The following DYNC2I1 variants were observed in gnomAD, a reference collection of about 807,000 sequenced individuals.
DYNC2I1 encodes cytoplasmic dynein 2 intermediate chain 1.
In DYNC2I1, 89 loss-of-function variants were observed where a neutral mutation model predicts 133.4. The ratio of observed to expected loss-of-function variants is 0.67; its 90% CI spans 0.56 to 0.80. The LOEUF (loss-of-function observed/expected upper bound fraction) is 0.80. Ranked by LOEUF, DYNC2I1 falls within the 30% of genes least tolerant of loss-of-function variation. DYNC2I1 has a pLI of 0.00. For synonymous variants in DYNC2I1, 504 were observed against 484.3 expected, an observed-to-expected ratio of 1.04 and a Z score of -0.54; for missense variants, 1,291 against 1,314.5, an observed-to-expected ratio of 0.98 and a Z score of 0.28.
chr7:158,939,907 A>T (rs1167652789), intron 23 of DYNC2I1, among the ~76,000 whole-genome samples: 1 of 152,248 alleles, frequency 6.6e-6, no homozygotes. Context: ...TGAATTTACT[A>T]TATAATGATA....
chr7:158,922,685 C>A, intron 16 of DYNC2I1, 136 bp downstream of exon 16: 1 of 834,710 alleles, frequency 1.2e-6, no homozygotes. Context: ...CATTCTCTGT[C>A]TCTCACAGCT....
rs186892544 is a variant in DYNC2I1, at chr7:158,889,403, A to G, written c.991-1862A>G. ...CCACCCCTCCTGTTTTTCCTAGTTCATAGTGGAAATCCCTCCAGTTTGGAC... is the reference window on the plus strand; with the variant it reads ...CCACCCCTCCTGTTTTTCCTAGTTCGTAGTGGAAATCCCTCCAGTTTGGAC... On this transcript the variant is annotated intron_variant, in intron 7 of 24. Coordinates refer to ENST00000407559, the MANE Select transcript of DYNC2I1 (RefSeq NM_018051.5). Among the ~76,000 whole-genome samples the G allele has an allele frequency of 2.5e-4, 38 of 152,140 alleles. No homozygotes were observed. The East Asian group carries it at 6.8e-3, about 27-fold the overall frequency.
intron 2 of DYNC2I1, 51 bp from the exon 3 acceptor site, chr7:158,871,091 A>G: frequency 6.4e-7 from 1 of 1,554,066 alleles, no homozygotes; most frequent in Non-Finnish European, 8.7e-7. Flanking sequence ...TAAAAGTCTA[A>G]TGGAAATCTG....
chr7:158,885,506 T>TA (rs760355843), intron 6 of DYNC2I1, among the ~76,000 whole-genome samples: 1 of 152,064 alleles, frequency 6.6e-6, no homozygotes, highest in Non-Finnish European at 1.5e-5. Context: ...CACACCCAGC[T>TA]AATTTTTGTA....
chr7:158,877,294 G>A (rs955934335), intron 4 of DYNC2I1, among the ~76,000 whole-genome samples: 5 of 150,890 alleles, frequency 3.3e-5, no homozygotes, highest in African/African-American at 1.2e-4. Flanking sequence ...CTGCGGTTCC[G>A]GATTGGTGTT....
chr7:158,867,588 C>G (rs900130761), intron 1 of DYNC2I1, among the ~76,000 whole-genome samples: 5 of 152,138 alleles, frequency 3.3e-5, no homozygotes, highest in Non-Finnish European at 5.9e-5. Flanking sequence ...CCCAACCTTG[C>G]CTTAGAGCAC....
At chr7:158,854,563 G>A (rs947692652), upstream of DYNC2I1, among the ~76,000 whole-genome samples, 16 of 152,004 alleles carry the variant, frequency 1.1e-4, no homozygotes, top group African/African-American at 3.9e-4. Flanking sequence ...GATGGGTGTC[G>A]CAAACCACCG....
intron 8 of DYNC2I1, among the ~76,000 whole-genome samples, chr7:158,895,052 C>CA (rs1358461262): frequency 6.6e-6 from 1 of 152,176 alleles, no homozygotes; most frequent in African/African-American, 2.4e-5. Context: ...TTTTGGATAA[C>CA]ACTGCTTTGT....
At chr7:158,863,231 G>A (rs1842033690) in intron 1 of DYNC2I1, among the ~76,000 whole-genome samples, 1 of 151,998 alleles carries the variant, frequency 6.6e-6, no homozygotes, top group South Asian at 2.1e-4. Flanking sequence ...TTTTTACAGA[G>A]TGCCGATTGG....
rs182410453 is a variant in DYNC2I1, at chr7:158,941,852, G to A, written c.2779-73G>A. ...TGATTGCACCACTGCACTCCAGGCT[G>A]GGTGACAGAGTGAGACCCTGTCTCA... On this transcript the variant is annotated intron_variant, in intron 23 of 24. Coordinates refer to ENST00000407559, the MANE Select transcript of DYNC2I1 (RefSeq NM_018051.5). 10,495 of 1,498,868 alleles carry A rather than the reference G, an allele frequency of 7.0e-3. 40 individuals carry two copies. The highest frequency in any genetic ancestry group is 7.8e-3 in the Non-Finnish European group (8,633 of 1,108,044). The allele number at this position is 1,498,868 out of a possible 1,614,324, so 92.8% of individuals were successfully genotyped here. A position where few individuals can be genotyped will look rare whatever the true frequency, so the allele number is the denominator to read the frequency against.
chr7:158,911,925 G>T (rs1847522891), intron 12 of DYNC2I1, among the ~76,000 whole-genome samples: 1 of 152,218 alleles, frequency 6.6e-6, no homozygotes, highest in African/African-American at 2.4e-5. Flanking sequence ...TCGGAATGGG[G>T]ACAGAATGGC....
the DYNC2I1 span, among the ~76,000 whole-genome samples, chr7:158,846,425 G>C: frequency 6.6e-6 from 1 of 152,094 alleles, no homozygotes; most frequent in Non-Finnish European, 1.5e-5. Context: ...AAATAAAATG[G>C]TTGTTCAAGA....
chr7:158,945,711 G>A lies in DYNC2I1; in HGVS notation c.3133G>A (p.Asp1045Asn), dbSNP rs779885197. The A allele has an allele frequency of 3.4e-5, 54 of 1,610,878 alleles. No homozygotes were observed. The South Asian group carries it at 4.4e-4, about 13-fold the overall frequency. The part of the protein sequence containing the change: ...LKRRWAAPEV[D>N]ECNRLRLLLQ... Reference sequence around the variant, plus strand: ...GAGGCGGTGGGCGGCCCCGGAGGTGGACGAGTGCAACAGGCTGCGTCTGCT... The same window carrying A: ...GAGGCGGTGGGCGGCCCCGGAGGTGAACGAGTGCAACAGGCTGCGTCTGCT... Residue 1045 changes from aspartate to asparagine, a missense_variant, in exon 25 of 25, where the codon GAC (aspartate) becomes AAC (asparagine). Asp to Asn is a conservative substitution (Grantham distance 23). Transcript: ENST00000407559. The surrounding 1 kb of genome is among the most constrained non-coding windows in gnomAD (Gnocchi z 4.1).
intron 1 of DYNC2I1, among the ~76,000 whole-genome samples, chr7:158,858,519 T>G (rs2129475635): frequency 6.6e-6 from 1 of 152,334 alleles, no homozygotes; most frequent in South Asian, 2.1e-4. Flanking sequence ...TTTGCCCTGT[T>G]TTTTTAGTTT....
At chr7:158,907,918 T>C (rs555730878) in intron 11 of DYNC2I1, among the ~76,000 whole-genome samples, 2 of 152,192 alleles carry the variant, frequency 1.3e-5, no homozygotes, top group South Asian at 4.1e-4. Context: ...CGGCTGGTAA[T>C]CTAGTAATTG....
chr7:158,918,596 G>GT (rs912630459), intron 14 of DYNC2I1, 144 bp from the exon 15 acceptor site: 2 of 842,792 alleles, frequency 2.4e-6, no homozygotes, highest in Non-Finnish European at 3.7e-6. Flanking sequence ...AGAAAGGACC[G>GT]TATCGTTTTT....
chr7:158,910,204 C>T (rs1194088489), intron 11 of DYNC2I1, among the ~76,000 whole-genome samples: 1 of 152,252 alleles, frequency 6.6e-6, no homozygotes, highest in Non-Finnish European at 1.5e-5. Context: ...CCAGCACAGG[C>T]GATGGAAAAG....
downstream of DYNC2I1, among the ~76,000 whole-genome samples, chr7:158,958,515 G>T (rs1183042029): frequency 6.6e-6 from 1 of 152,208 alleles, no homozygotes; most frequent in East Asian, 1.9e-4. Context: ...TTGCCGACTT[G>T]TTCGGTATCT....
chr7:158,916,157 A>T (rs1158279673), intron 14 of DYNC2I1, among the ~76,000 whole-genome samples: 408 of 82,930 alleles, frequency 4.9e-3, no homozygotes, highest in African/African-American at 0.015. Flanking sequence ...GGTTGACATT[A>T]AGGATGATTG....
Sources: allele counts gnomAD v4.1 joint callset (sites outside exome capture counted in the v4.1 genomes callset), GRCh38; gene constraint gnomAD v4.1.1; non-coding constraint Gnocchi (gnomAD v3.1); transcripts MANE v1.5; gene names NCBI Gene and HGNC (gene_info 2026-07-23, HGNC 2026-07-21).